The following SKAP1 variants were observed in gnomAD, a reference collection of about 807,000 sequenced individuals.
SKAP1 encodes src kinase associated phosphoprotein 1.
A neutral mutation model predicts 58.5 loss-of-function variants in SKAP1; 44 were observed. That is an observed-to-expected ratio of 0.75 (90% CI 0.59 to 0.97). The LOEUF (loss-of-function observed/expected upper bound fraction) is 0.97. Among genes scored for constraint, SKAP1 ranks in the 50% least tolerant of loss-of-function variants. The pLI is 0.00. For missense variants in SKAP1, 390 were observed against 435.2 expected (o/e 0.90, Z 0.92); for synonymous variants, 127 against 149.7 (o/e 0.85, Z 1.11).
intron 4 of SKAP1, among the ~76,000 whole-genome samples, chr17:48,292,434 C>T (rs1374322765): frequency 6.6e-6 from 1 of 151,936 alleles, no homozygotes; most frequent in Non-Finnish European, 1.5e-5. Context: ...ATAAATATGC[C>T]TTCATGAGTT....
intron 4 of SKAP1, among the ~76,000 whole-genome samples, chr17:48,314,359 C>G (rs2066262537): frequency 6.6e-6 from 1 of 152,154 alleles, no homozygotes; most frequent in South Asian, 2.1e-4. Flanking sequence ...GTCAAATCAC[C>G]TGTTTATTTT....
rs114604330 is a variant in SKAP1, at chr17:48,178,851, G to A, written c.826+1203C>T. 5.5e-3 allele frequency among the ~76,000 whole-genome samples: 839 copies of A among 152,274 alleles called. 7 individuals carry two copies. Among genetic ancestry groups the A allele is most frequent in the East Asian group, 0.018 (92 of 5,190 alleles). On this transcript the variant is annotated intron_variant, in intron 9 of 12. Coordinates refer to ENST00000336915, the MANE Select transcript of SKAP1 (RefSeq NM_003726.4). Reference sequence around the variant, plus strand: ...AATAAAACACAACAAAAAGGCTGGAGAAGTCGGGACTGGTAGAGGCTGGAA... The same window carrying A: ...AATAAAACACAACAAAAAGGCTGGAAAAGTCGGGACTGGTAGAGGCTGGAA...
rs186254318 is a variant in SKAP1, at chr17:48,357,368, C to T, written c.178+6421G>A. The stretch of plus-strand genomic sequence containing the variant: ...TCTTTTGGCCGGGTGCAGTGGCTCA[C>T]GCCTATAATCCCAGCACTTTGGGAG... On this transcript the variant is annotated intron_variant, in intron 3 of 12. Coordinates refer to ENST00000336915, the MANE Select transcript of SKAP1 (RefSeq NM_003726.4). Among the ~76,000 whole-genome samples the T allele has an allele frequency of 2.9e-3, 447 of 152,242 alleles. 11 individuals carry two copies. The highest frequency in any genetic ancestry group is 0.025 in the Admixed American group (378 of 15,296).
the SKAP1 span, among the ~76,000 whole-genome samples, chr17:48,439,481 C>T: frequency 5.3e-5 from 8 of 152,252 alleles, no homozygotes; most frequent in East Asian, 1.9e-4. Flanking sequence ...TGTCTTGAGA[C>T]GAAAGAAAAA....
intron 1 of SKAP1, among the ~76,000 whole-genome samples, chr17:48,420,840 T>C (rs1381629558): frequency 1.3e-5 from 2 of 152,158 alleles, no homozygotes; most frequent in Admixed American, 6.5e-5. Flanking sequence ...CTGTGCATTG[T>C]AGGAAGTTTA....
intron 9 of SKAP1, among the ~76,000 whole-genome samples, chr17:48,173,384 G>C (rs1335819191): frequency 6.6e-6 from 1 of 152,260 alleles, no homozygotes; most frequent in Non-Finnish European, 1.5e-5. Context: ...GCTAATGGAG[G>C]AGTGAAATCA....
chr17:48,385,150 CAGT>C (rs1278054058), intron 2 of SKAP1, among the ~76,000 whole-genome samples: 8 of 152,096 alleles, frequency 5.3e-5, no homozygotes, highest in Non-Finnish European at 8.8e-5. Context: ...AAAGACTTAA[CAGT>C]AGCACCTGGC....
intron 4 of SKAP1, among the ~76,000 whole-genome samples, chr17:48,326,941 G>T (rs2144248963): frequency 6.7e-6 from 1 of 148,988 alleles, no homozygotes; most frequent in Non-Finnish European, 1.5e-5. Flanking sequence ...CCCCAGGCTG[G>T]AGTGCAGTGG....
the SKAP1 span, among the ~76,000 whole-genome samples, chr17:48,442,546 C>T: frequency 1.2e-4 from 18 of 152,248 alleles, no homozygotes; most frequent in Non-Finnish European, 2.5e-4. Context: ...TGGACTCAGA[C>T]TCCACAACCA....
chr17:48,358,468 G>A (rs972632228), intron 3 of SKAP1, among the ~76,000 whole-genome samples: 1 of 152,060 alleles, frequency 6.6e-6, no homozygotes, highest in African/African-American at 2.4e-5. Flanking sequence ...AAGAAGTTAA[G>A]CAACATTTGT....
At chr17:48,174,373 CA>C (rs2064259939) in intron 9 of SKAP1, among the ~76,000 whole-genome samples, 1 of 152,164 alleles carries the variant, frequency 6.6e-6, no homozygotes, top group Non-Finnish European at 1.5e-5. Context: ...GGCACTGTCA[CA>C]TAGTGAAGGA....
chr17:48,332,515 C>CAA (rs146089900), intron 4 of SKAP1, among the ~76,000 whole-genome samples: 6,710 of 152,164 alleles, frequency 0.044, 305 homozygotes, highest in South Asian at 0.25. Context: ...GTTTCTTAAT[C>CAA]AAAAACTTCT....
intron 4 of SKAP1, among the ~76,000 whole-genome samples, chr17:48,316,154 A>C (rs1020525862): frequency 6.6e-6 from 1 of 152,218 alleles, no homozygotes; most frequent in Admixed American, 6.5e-5. Flanking sequence ...TCTGTTGCTT[A>C]AAACTCACTA....
At chr17:48,323,224 A>G (rs140536122) in intron 4 of SKAP1, among the ~76,000 whole-genome samples, 76 of 152,046 alleles carry the variant, frequency 5.0e-4, no homozygotes, top group African/African-American at 1.7e-3. Flanking sequence ...AAAAAAAGCA[A>G]GAGAAAAAGA....
intron 4 of SKAP1, among the ~76,000 whole-genome samples, chr17:48,236,127 C>T (rs1464687921): frequency 6.6e-6 from 1 of 152,112 alleles, no homozygotes; most frequent in Non-Finnish European, 1.5e-5. Flanking sequence ...ATAGAGTTAA[C>T]AAGGTTAAGC....
intron 4 of SKAP1, among the ~76,000 whole-genome samples, chr17:48,327,946 T>C (rs1027504412): frequency 1.2e-4 from 19 of 152,302 alleles, no homozygotes; most frequent in African/African-American, 4.6e-4. Context: ...CTCTGTTTCT[T>C]AATCAGAAAA....
chr17:48,276,899 C>A (rs1318952089), intron 4 of SKAP1, among the ~76,000 whole-genome samples: 1 of 152,168 alleles, frequency 6.6e-6, no homozygotes, highest in Non-Finnish European at 1.5e-5. Context: ...ACTAAGAACA[C>A]TAAAATACTT....
At chr17:48,203,301 G>C (rs8069064) in intron 4 of SKAP1, among the ~76,000 whole-genome samples, 2 of 152,142 alleles carry the variant, frequency 1.3e-5, no homozygotes, top group African/African-American at 4.8e-5. Flanking sequence ...TTTATTGTTA[G>C]GTGGACTAGC....
chr17:48,137,341 A>C lies in SKAP1; in HGVS notation c.979-4T>G, dbSNP rs1258834264. 4.4e-6 allele frequency: 7 copies of C among 1,595,398 alleles called. No individual in the cohort carries two copies. The highest frequency in any genetic ancestry group is 5.2e-6 in the Non-Finnish European group (6 of 1,163,000). On this transcript the variant is annotated splice_region_variant and splice_polypyrimidine_tract_variant and intron_variant, in intron 11 of 12. Coordinates refer to ENST00000336915, the MANE Select transcript of SKAP1 (RefSeq NM_003726.4). ...ACCAGCCATACATGTTATACTCCTG[A>C]AAAGTGAAAAGAGGATAGCGTCAGT...
Sources: gnomAD v4.1 joint callset for allele counts (sites outside exome capture counted in the v4.1 genomes callset) on GRCh38, gnomAD v4.1.1 for gene constraint, MANE v1.5 for transcripts, NCBI Gene and HGNC (gene_info 2026-07-23, HGNC 2026-07-21) for gene names.